PRKCE: variants seen among roughly 807,000 people sequenced by gnomAD.
PRKCE encodes protein kinase C epsilon type.
Under a neutral mutation model 85.4 loss-of-function variants are expected in PRKCE, and 16 were observed. That is an observed-to-expected ratio of 0.19 (90% CI 0.13 to 0.28). The LOEUF (loss-of-function observed/expected upper bound fraction) is 0.28. Among genes scored for constraint, PRKCE ranks in the 10% least tolerant of loss-of-function variants. The probability of loss-of-function intolerance (pLI) is 1.00; values close to 1 mark genes in which losing one functional copy is unlikely to be tolerated. For missense variants in PRKCE, 573 were observed against 975.2 expected (o/e 0.59, Z 5.49); for synonymous variants, 388 against 371.5 (o/e 1.04, Z -0.51).
chr2:46,170,192 G>A (rs1442494846), intron 14 of PRKCE, among the ~76,000 whole-genome samples: 2 of 152,186 alleles, frequency 1.3e-5, no homozygotes, highest in Non-Finnish European at 2.9e-5. Flanking sequence ...ATCCTCCCAA[G>A]AAGTTTCCTG....
intron 5 of PRKCE, among the ~76,000 whole-genome samples, chr2:45,982,896 G>A (rs910590368): frequency 1.2e-4 from 18 of 152,170 alleles, no homozygotes; most frequent in Admixed American, 1.2e-3. Context: ...ATACCCCTAT[G>A]AGGTGATTCC....
chr2:45,965,302 C>T (rs746881674), intron 2 of PRKCE, among the ~76,000 whole-genome samples: 89 of 152,352 alleles, frequency 5.8e-4, no homozygotes, highest in Non-Finnish European at 9.8e-4. Context: ...GTATTTATTT[C>T]ACTTGCAAAC....
chr2:46,131,499 A>G (rs1253362738), intron 11 of PRKCE, among the ~76,000 whole-genome samples: 1 of 152,214 alleles, frequency 6.6e-6, no homozygotes, highest in Non-Finnish European at 1.5e-5. Flanking sequence ...AGGAGGAAGT[A>G]AAGAAATGTC....
intron 1 of PRKCE, among the ~76,000 whole-genome samples, chr2:45,720,307 G>A (rs1680506014): frequency 6.6e-6 from 1 of 152,158 alleles, no homozygotes; most frequent in Non-Finnish European, 1.5e-5. Flanking sequence ...CCACCTATCG[G>A]TTGGTAAAAG....
At chr2:45,865,865 A>G (rs1260364662) in intron 2 of PRKCE, among the ~76,000 whole-genome samples, 3 of 143,218 alleles carry the variant, frequency 2.1e-5, no homozygotes, top group Non-Finnish European at 3.0e-5. Context: ...TCATCCAGGC[A>G]GGAGTGCAGT....
chr2:46,089,263 C>T (rs1257597121), intron 11 of PRKCE, among the ~76,000 whole-genome samples: 1 of 152,204 alleles, frequency 6.6e-6, no homozygotes, highest in Non-Finnish European at 1.5e-5. Context: ...GCCAATGACT[C>T]TTCACATATG....
intron 5 of PRKCE, among the ~76,000 whole-genome samples, chr2:45,982,944 A>G (rs1490473656): frequency 6.6e-6 from 1 of 152,224 alleles, no homozygotes; most frequent in Admixed American, 6.5e-5. Flanking sequence ...TAGGTCCACC[A>G]TGCCTTCAGG....
At chr2:45,986,013 A>G (rs908244576) in intron 6 of PRKCE, among the ~76,000 whole-genome samples, 1 of 152,196 alleles carries the variant, frequency 6.6e-6, no homozygotes, top group African/African-American at 2.4e-5. Flanking sequence ...GTCAAAGATA[A>G]CACCATGAGG....
At chr2:46,077,533 C>G (rs1345654823) in intron 10 of PRKCE, among the ~76,000 whole-genome samples, 1 of 152,038 alleles carries the variant, frequency 6.6e-6, no homozygotes, top group East Asian at 1.9e-4. Flanking sequence ...ATTGTGATAA[C>G]TCTGAATTTG....
Position 45,895,346 on chromosome 2 carries a change from C to T in PRKCE, c.412+52283C>T, listed in dbSNP as rs1359591603. The stretch of plus-strand genomic sequence containing the variant: ...TATATGGACTTAAGGGAGTTTCAGT[C>T]GGGGAAGAAAGTGGGACTTTTTCAT... On this transcript the variant is annotated intron_variant, in intron 2 of 14. Coordinates refer to ENST00000306156, the MANE Select transcript of PRKCE (RefSeq NM_005400.3). The surrounding 1 kb of genome is among the most constrained non-coding windows in gnomAD (Gnocchi z 4.8). Among the ~76,000 whole-genome samples the T allele has an allele frequency of 1.3e-5, 2 of 152,028 alleles. No individual in the cohort carries two copies. The highest frequency in any genetic ancestry group is 2.1e-4 in the South Asian group (1 of 4,810).
intron 2 of PRKCE, among the ~76,000 whole-genome samples, chr2:45,893,456 C>G (rs1445785212): frequency 6.6e-6 from 1 of 151,990 alleles, no homozygotes; most frequent in African/African-American, 2.4e-5. Flanking sequence ...CAACCTCTGC[C>G]TCCTGGGTTC....
chr2:45,787,590 G>A (rs1287150610), intron 1 of PRKCE, among the ~76,000 whole-genome samples: 1 of 152,178 alleles, frequency 6.6e-6, no homozygotes, highest in Non-Finnish European at 1.5e-5. Flanking sequence ...CAAGACTCAT[G>A]CTATGGAAAG....
chr2:46,101,859 C>CAAAAAAA (rs56811595), intron 11 of PRKCE, among the ~76,000 whole-genome samples: 2 of 114,122 alleles, frequency 1.8e-5, no homozygotes, highest in African/African-American at 3.5e-5. Flanking sequence ...AACTGGCTTT[C>CAAAAAAA]AAAAAAAAAA....
At chr2:45,816,632 G>C (rs1257750159) in intron 1 of PRKCE, among the ~76,000 whole-genome samples, 1 of 152,152 alleles carries the variant, frequency 6.6e-6, no homozygotes, top group East Asian at 1.9e-4. Context: ...CATTATGCCA[G>C]GGCTTTGTCT....
intron 10 of PRKCE, among the ~76,000 whole-genome samples, chr2:46,050,124 T>A (rs2105057188): frequency 6.6e-6 from 1 of 152,374 alleles, no homozygotes; most frequent in Non-Finnish European, 1.5e-5. Flanking sequence ...GCTGGGCTCA[T>A]GGCCTGTGAT....
At chr2:46,084,972 A>G (rs1200004923) in intron 10 of PRKCE, among the ~76,000 whole-genome samples, 1 of 151,842 alleles carries the variant, frequency 6.6e-6, no homozygotes, top group Non-Finnish European at 1.5e-5. Flanking sequence ...TCTTTTTAGC[A>G]CCTGGTGTCT....
intron 11 of PRKCE, among the ~76,000 whole-genome samples, chr2:46,096,959 T>C (rs1670746162): frequency 6.6e-6 from 1 of 152,116 alleles, no homozygotes; most frequent in African/African-American, 2.4e-5. Flanking sequence ...TCTCTGGGGT[T>C]GTTTAGGGGC....
chr2:45,723,150 C>G (rs1188316914), intron 1 of PRKCE, among the ~76,000 whole-genome samples: 3 of 152,150 alleles, frequency 2.0e-5, no homozygotes, highest in African/African-American at 7.2e-5. Context: ...TCTCTGTTTG[C>G]TAACTGTGGA....
chr2:45,952,692 T>G (rs939720126), intron 2 of PRKCE, among the ~76,000 whole-genome samples: 1 of 152,340 alleles, frequency 6.6e-6, no homozygotes, highest in East Asian at 1.9e-4. Flanking sequence ...TAGCACTTAA[T>G]GTACTTAATG....
Sources: gnomAD v4.1 joint callset for allele counts (sites outside exome capture counted in the v4.1 genomes callset) on GRCh38, gnomAD v4.1.1 for gene constraint, Gnocchi (gnomAD v3.1) non-coding constraint, MANE v1.5 for transcripts, NCBI Gene and HGNC (gene_info 2026-07-23, HGNC 2026-07-21) for gene names.